Variants in RASA1 observed in about 807,000 individuals in gnomAD.
The protein encoded by RASA1 is RAS p21 protein activator 1, also known as ras GTPase-activating protein 1.
RASA1 carries 25 observed loss-of-function variants against 132.2 expected under a neutral mutation model. The ratio of observed to expected loss-of-function variants is 0.19; its 90% CI spans 0.14 to 0.26. The LOEUF (loss-of-function observed/expected upper bound fraction) is 0.26, where lower values mean the gene tolerates loss of function less well. Ranked by LOEUF, RASA1 falls within the 10% of genes least tolerant of loss-of-function variation. RASA1 has a pLI of 1.00. For synonymous variants in RASA1, 477 were observed against 449.9 expected (o/e 1.06, Z -0.76); for missense variants, 964 against 1,299.2 (o/e 0.74, Z 3.97).
At chr5:87,349,099 C>T in intron 7 of RASA1, 115 bp from the exon 8 acceptor site, 1 of 1,277,486 alleles carries the variant, frequency 7.8e-7, no homozygotes, top group East Asian at 2.4e-5. Flanking sequence ...AAACAAGTTC[C>T]TGGTGAAAAT....
rs369795408 is a variant in RASA1, at chr5:87,329,713, G to T, written c.540-1635G>T. 3.9e-4 allele frequency among the ~76,000 whole-genome samples: 60 copies of T among 152,080 alleles called. 1 individual carries two copies. The South Asian group carries it at 0.012, about 31-fold the overall frequency. ...TTGTCCTTAATTTTATCTTTGTTGG[G>T]TATATAAATCTGCTCTCTGGGATAG... is the stretch of plus-strand genomic sequence containing the variant. On this transcript the variant is annotated intron_variant, in intron 1 of 24. Transcript: ENST00000274376.
intron 1 of RASA1, among the ~76,000 whole-genome samples, chr5:87,328,957 A>T (rs1472226052): frequency 7.6e-6 from 1 of 132,196 alleles, no homozygotes; most frequent in East Asian, 2.5e-4. Flanking sequence ...TTACAAGCTG[A>T]TGGCTGGATA....
intron 19 of RASA1, 38 bp downstream of exon 19, chr5:87,379,888 A>T: frequency 6.3e-7 from 1 of 1,587,672 alleles, no homozygotes; most frequent in Non-Finnish European, 8.6e-7. Context: ...GAAATTGTGT[A>T]TCTATGTCTT....
chr5:87,372,218 T>G, intron 13 of RASA1, 23 bp downstream of exon 13: 1 of 1,601,622 alleles, frequency 6.2e-7, no homozygotes. Flanking sequence ...TTTCTTGGAT[T>G]TTTAATTGTC....
chr5:87,374,794 T>C (rs758952865), intron 14 of RASA1, 46 bp from the exon 15 acceptor site: 8 of 1,603,710 alleles, frequency 5.0e-6, no homozygotes, highest in African/African-American at 1.3e-5. Context: ...TAAGGTAGTT[T>C]GATGCCAAAA....
chr5:87,333,583 C>T (rs1757749292), intron 4 of RASA1, among the ~76,000 whole-genome samples: 1 of 152,110 alleles, frequency 6.6e-6, no homozygotes, highest in South Asian at 2.1e-4. Flanking sequence ...TCCACTGTCT[C>T]TCACAAAGTA....
chr5:87,372,668 G>T (rs1380336289), intron 13 of RASA1, among the ~76,000 whole-genome samples: 5 of 152,130 alleles, frequency 3.3e-5, no homozygotes, highest in African/African-American at 4.8e-5. Flanking sequence ...GATTTGTGGA[G>T]AGTTAAGCTA....
At position 87,354,862 on chromosome 5, in the gene RASA1, T is replaced by C. The variant is rs546777299; in HGVS notation, c.1332+1627T>C. 1.1e-4 allele frequency among the ~76,000 whole-genome samples: 16 copies of C among 152,266 alleles called. No individual in the cohort carries two copies. The South Asian group carries it at 2.9e-3, about 28-fold the overall frequency. On this transcript the variant is annotated intron_variant, in intron 9 of 24. Coordinates refer to ENST00000274376, the MANE Select transcript of RASA1 (RefSeq NM_002890.3). ...AAGTGAAACACCCTTATTGCTGATA[T>C]AGAGAAAATTTGAGTGGTCTGGATT...
chr5:87,386,795 G>A (rs1381431455), intron 22 of RASA1, 31 bp from the exon 23 acceptor site: 5 of 1,580,110 alleles, frequency 3.2e-6, no homozygotes, highest in South Asian at 1.1e-5. Flanking sequence ...TTTGTTTCTG[G>A]TGCATATAAC....
At chr5:87,290,834 T>C (rs1210011382) in intron 1 of RASA1, among the ~76,000 whole-genome samples, 1 of 152,258 alleles carries the variant, frequency 6.6e-6, no homozygotes, top group Non-Finnish European at 1.5e-5. Context: ...ATTTCTTTTT[T>C]TGTCTGAATG....
chr5:87,288,396 A>G (rs992558879), intron 1 of RASA1, among the ~76,000 whole-genome samples: 2 of 152,104 alleles, frequency 1.3e-5, no homozygotes, highest in African/African-American at 2.4e-5. Context: ...ACCAACTTGG[A>G]AAGAATTGTT....
At chr5:87,385,411 A>C (rs1362304249) in intron 22 of RASA1, 22 bp downstream of exon 22, 2 of 1,531,646 alleles carry the variant, frequency 1.3e-6, no homozygotes, top group Admixed American at 1.7e-5. Context: ...TTGATACTTT[A>C]AAATGTAATT....
chr5:87,312,491 A>G (rs1220624857), intron 1 of RASA1, among the ~76,000 whole-genome samples: 1 of 152,242 alleles, frequency 6.6e-6, no homozygotes, highest in East Asian at 1.9e-4. Flanking sequence ...AATTTCTAAT[A>G]CAGTAAATAT....
At chr5:87,326,867 T>C (rs1346285182) in intron 1 of RASA1, among the ~76,000 whole-genome samples, 1 of 152,116 alleles carries the variant, frequency 6.6e-6, no homozygotes, top group Non-Finnish European at 1.5e-5. Context: ...AATGCCTTAG[T>C]AGAAAAAAAG....
At position 87,376,888 on chromosome 5, in the gene RASA1, T is replaced by G; in HGVS notation, c.2192T>G (p.Leu731Arg). The G allele has an allele frequency of 6.2e-7, 1 of 1,604,818 alleles. No homozygotes were observed. Among genetic ancestry groups the G allele is most frequent in the Non-Finnish European group, 8.5e-7 (1 of 1,171,550 alleles). The change falls in exon 17 of 25, where the codon CTG (leucine) becomes CGG (arginine). Residue 731 changes from leucine to arginine, a missense_variant. Around this residue, in one of 6 missense-constraint regions of RASA1, gnomAD observed 346 missense variants for 520.1 expected, o/e 0.67. Transcript: ENST00000274376. ...TTTAAAATGTCATTTTAGCTTATAC[T>G]GCAAAAGGAACTTCATGTAGTCTAT... ...EEYSEFKELILQKELHVVYAL... is the reference protein window; with the variant it reads ...EEYSEFKELIRQKELHVVYAL...
At chr5:87,340,125 A>T (rs10942502) in intron 5 of RASA1, among the ~76,000 whole-genome samples, 1 of 151,840 alleles carries the variant, frequency 6.6e-6, no homozygotes, top group Non-Finnish European at 1.5e-5. Flanking sequence ...TGAGTAAATG[A>T]ATGTTTCTAT....
At chr5:87,341,653 G>A (rs886282018) in intron 6 of RASA1, among the ~76,000 whole-genome samples, 2 of 151,798 alleles carry the variant, frequency 1.3e-5, no homozygotes, top group African/African-American at 4.8e-5. Context: ...AGTATTTCTT[G>A]TTTTATAGCC....
At position 87,379,016 on chromosome 5, in the gene RASA1, CAGTA is replaced by C. The variant is rs766955265; in HGVS notation, c.2487+482_2487+485del. Reference sequence around the variant, plus strand: ...ATAAATTCATAATACACTATTAAGACAGTAAGTGGAATCTCACACACATATTCTC... The same window carrying C: ...ATAAATTCATAATACACTATTAAGACAGTGGAATCTCACACACATATTCTC... On this transcript the variant is annotated intron_variant, in intron 18 of 24. Coordinates refer to ENST00000274376, the MANE Select transcript of RASA1 (RefSeq NM_002890.3). 4.7e-4 allele frequency among the ~76,000 whole-genome samples: 71 copies of C among 152,100 alleles called. 1 individual carries two copies. Among genetic ancestry groups the C allele is most frequent in the Non-Finnish European group, 9.0e-4 (61 of 68,028 alleles).
chr5:87,273,957 CA>C (rs1419577401), intron 1 of RASA1, among the ~76,000 whole-genome samples: 1 of 152,134 alleles, frequency 6.6e-6, no homozygotes, highest in Non-Finnish European at 1.5e-5. Flanking sequence ...CTTGGCCTCC[CA>C]AAGTGCTGGG....
Sources: gnomAD v4.1 joint callset for allele counts (sites outside exome capture counted in the v4.1 genomes callset) on GRCh38, gnomAD v4.1.1 for gene constraint, gnomAD v4.1.1 regional missense constraint, MANE v1.5 for transcripts, NCBI Gene and HGNC (gene_info 2026-07-23, HGNC 2026-07-21) for gene names.